Variants in NEK11 observed in about 807,000 individuals in gnomAD.
NEK11 encodes the protein serine/threonine-protein kinase Nek11.
A neutral mutation model predicts 80.7 loss-of-function variants in NEK11; 72 were observed. The observed-to-expected ratio is 0.89, with a 90% CI of 0.74 to 1.08. The LOEUF is 1.08. Among genes scored for constraint, NEK11 ranks in the 50% least tolerant of loss-of-function variants. The pLI, the probability that NEK11 is intolerant of heterozygous loss-of-function variation, is 0.00. For missense variants in NEK11, 764 were observed against 763.6 expected, an observed-to-expected ratio of 1.00 and a Z score of -0.01; for synonymous variants, 251 against 260.7, an observed-to-expected ratio of 0.96 and a Z score of 0.36.
intron 3 of NEK11, among the ~76,000 whole-genome samples, chr3:131,045,595 T>C (rs1049355072): frequency 1.1e-4 from 16 of 152,222 alleles, no homozygotes; most frequent in African/African-American, 3.6e-4. Context: ...AGAATGAATG[T>C]TACACGTGCT....
intron 4 of NEK11, among the ~76,000 whole-genome samples, chr3:131,102,924 A>G (rs1424390740): frequency 6.6e-6 from 1 of 152,166 alleles, no homozygotes; most frequent in Non-Finnish European, 1.5e-5. Flanking sequence ...CTGGTCTTTG[A>G]GCTCTGAGAT....
At chr3:131,257,937 A>G (rs1355717744) in intron 16 of NEK11, among the ~76,000 whole-genome samples, 1 of 152,196 alleles carries the variant, frequency 6.6e-6, no homozygotes, top group African/African-American at 2.4e-5. Flanking sequence ...ACCAATGAGT[A>G]AAGAAAATGT....
chr3:131,171,799 C>G (rs533065864), intron 14 of NEK11, among the ~76,000 whole-genome samples: 16 of 152,130 alleles, frequency 1.1e-4, no homozygotes, highest in Admixed American at 8.5e-4. Flanking sequence ...CCAGTCTCCC[C>G]AGTGCCTAGA....
chr3:131,175,021 T>C, intron 14 of NEK11: 2 of 1,292,690 alleles, frequency 1.5e-6, no homozygotes, highest in Non-Finnish European at 2.0e-6. Context: ...TGTGCTTTGC[T>C]TGCCTGTAGG....
chr3:131,252,001 A>G (rs951196232), intron 16 of NEK11, among the ~76,000 whole-genome samples: 1 of 152,116 alleles, frequency 6.6e-6, no homozygotes, highest in African/African-American at 2.4e-5. Context: ...AATCATGAAG[A>G]CAATCCCATC....
At chr3:131,343,786 A>G (rs551840457) in intron 17 of NEK11, among the ~76,000 whole-genome samples, 13 of 152,294 alleles carry the variant, frequency 8.5e-5, no homozygotes, top group African/African-American at 2.4e-4. Context: ...CTGGGATGTG[A>G]GGAGCAGTGT....
At chr3:131,152,312 T>A in intron 7 of NEK11, 76 bp from the exon 8 acceptor site, 1 of 1,327,514 alleles carries the variant, frequency 7.5e-7, no homozygotes, top group Non-Finnish European at 1.0e-6. Flanking sequence ...CCCCAACACA[T>A]CTGAGGTTTT....
intron 10 of NEK11, 44 bp from the exon 11 acceptor site, chr3:131,162,364 A>G (rs2091708804): frequency 4.4e-6 from 7 of 1,585,964 alleles, no homozygotes; most frequent in Non-Finnish European, 6.0e-6. Context: ...TTTTCTGAAC[A>G]TGTTTGGGAT....
chr3:131,248,290 T>C (rs1367439658), intron 16 of NEK11, among the ~76,000 whole-genome samples: 1 of 152,102 alleles, frequency 6.6e-6, no homozygotes, highest in Non-Finnish European at 1.5e-5. Flanking sequence ...TATAGAAGGT[T>C]TTATCATGAT....
chr3:131,106,149 T>G (rs2079142337), intron 4 of NEK11, among the ~76,000 whole-genome samples: 1 of 152,166 alleles, frequency 6.6e-6, no homozygotes, highest in Non-Finnish European at 1.5e-5. Flanking sequence ...GAATTATAAT[T>G]CTAGGAGCAT....
chr3:131,220,318 A>G (rs548590331), intron 14 of NEK11, among the ~76,000 whole-genome samples: 9 of 152,316 alleles, frequency 5.9e-5, no homozygotes, highest in African/African-American at 1.9e-4. Context: ...TTTCCTATAC[A>G]TATGAGAAAA....
intron 10 of NEK11, among the ~76,000 whole-genome samples, chr3:131,159,663 G>A (rs773960721): frequency 3.9e-5 from 6 of 152,276 alleles, no homozygotes; most frequent in Non-Finnish European, 8.8e-5. Context: ...TACCAAGGAG[G>A]CTGCGGCAGG....
At chr3:131,253,415 G>A (rs144399219) in intron 16 of NEK11, among the ~76,000 whole-genome samples, 125 of 152,070 alleles carry the variant, frequency 8.2e-4, no homozygotes, top group African/African-American at 2.8e-3. Context: ...AAAGGGAACA[G>A]AAAAAAAGTC....
intron 3 of NEK11, among the ~76,000 whole-genome samples, chr3:131,069,770 T>C (rs567595937): frequency 1.3e-5 from 2 of 148,650 alleles, no homozygotes; most frequent in African/African-American, 5.0e-5. Context: ...AGGTGGGAAC[T>C]GAACAATGAG....
At chr3:131,073,136 A>G (rs1331817111) in intron 3 of NEK11, among the ~76,000 whole-genome samples, 1 of 151,924 alleles carries the variant, frequency 6.6e-6, no homozygotes, top group Non-Finnish European at 1.5e-5. Context: ...TCTGCAGAGA[A>G]CTCCAGGGAG....
chr3:131,310,002 A>C (rs1301918387), intron 17 of NEK11, among the ~76,000 whole-genome samples: 1 of 146,196 alleles, frequency 6.8e-6, no homozygotes, highest in African/African-American at 2.5e-5. Flanking sequence ...AAAAAAAAAA[A>C]AAAAAAAAAA....
chr3:131,238,269 T>G (rs2095465872), intron 15 of NEK11, among the ~76,000 whole-genome samples: 1 of 152,228 alleles, frequency 6.6e-6, no homozygotes, highest in Non-Finnish European at 1.5e-5. Context: ...TAGTCTTTAT[T>G]GCCGTCTGAG....
intron 14 of NEK11, among the ~76,000 whole-genome samples, chr3:131,194,745 A>G (rs887819176): frequency 1.3e-5 from 2 of 152,176 alleles, no homozygotes; most frequent in African/African-American, 4.8e-5. Context: ...TTTCTAAGAA[A>G]CTGTCATCCT....
At position 131,342,800 on chromosome 3, in the gene NEK11, G is replaced by A. The variant is rs114996779; in HGVS notation, c.1719-6757G>A. On this transcript the variant is annotated intron_variant, in intron 17 of 17. Coordinates refer to ENST00000383366, the MANE Select transcript of NEK11 (RefSeq NM_024800.5). ...AATCCCCACTTAAATATAAGAAACC[G>A]AAGACATAGAAAATTTAAGTATTTT... Among the ~76,000 whole-genome samples, 989 of 151,962 alleles carry A rather than the reference G, an allele frequency of 6.5e-3. 10 individuals are homozygous for A. The highest frequency in any genetic ancestry group is 0.022 in the African/African-American group (896 of 41,442).
Sources: gnomAD v4.1 joint callset for allele counts (sites outside exome capture counted in the v4.1 genomes callset) on GRCh38, gnomAD v4.1.1 for gene constraint, MANE v1.5 for transcripts, NCBI Gene and HGNC (gene_info 2026-07-23, HGNC 2026-07-21) for gene names.